The following FDPS variants were observed in gnomAD, a reference collection of about 807,000 sequenced individuals.
The protein encoded by FDPS is farnesyl diphosphate synthase, also known as farnesyl pyrophosphate synthase.
A neutral mutation model predicts 49.5 loss-of-function variants in FDPS; 29 were observed. The observed-to-expected ratio is 0.59, with a 90% CI of 0.44 to 0.80. The LOEUF (loss-of-function observed/expected upper bound fraction) is 0.80. Ranked by LOEUF, FDPS falls within the 30% of genes least tolerant of loss-of-function variation. FDPS has a pLI of 0.00. For synonymous variants in FDPS, 172 were observed against 206.4 expected (o/e 0.83, Z 1.43); for missense variants, 414 against 525.6 (o/e 0.79, Z 2.08).
At chr1:155,310,512 T>G in intron 3 of FDPS, 1 of 295,894 alleles carries the variant, frequency 3.4e-6, no homozygotes, top group Non-Finnish European at 6.4e-6. Context: ...GGTTTCACTG[T>G]GTTGACCAGG....
At chr1:155,310,007 C>G in intron 2 of FDPS, 36 bp from the exon 3 acceptor site, 4 of 1,611,814 alleles carry the variant, frequency 2.5e-6, no homozygotes, top group Non-Finnish European at 3.4e-6. Context: ...AGGGGAGCAG[C>G]TGATCAGGTT....
chr1:155,310,312 G>C, intron 3 of FDPS, 107 bp downstream of exon 3: 1 of 870,194 alleles, frequency 1.1e-6, no homozygotes, highest in Non-Finnish European at 1.7e-6. Flanking sequence ...GTGAGAGAAA[G>C]CTTTTTTTTT....
At chr1:155,311,225 G>C (rs1648768720) in intron 3 of FDPS, among the ~76,000 whole-genome samples, 1 of 152,186 alleles carries the variant, frequency 6.6e-6, no homozygotes, top group Non-Finnish European at 1.5e-5. Flanking sequence ...TGTAGTCCCA[G>C]CTACTCAGGA....
Position 155,312,248 on chromosome 1 carries a change from C to T in FDPS, c.340-7C>T, listed in dbSNP as rs1352380487. On this transcript the variant is annotated splice_region_variant and splice_polypyrimidine_tract_variant and intron_variant, in intron 3 of 10. Transcript: ENST00000368356. Reference sequence around the variant, plus strand: ...TGATACCCTGTACCTCTTTCCTTGCCCTCCAGGTCCTGGAGTACAATGCCA... The same window carrying T: ...TGATACCCTGTACCTCTTTCCTTGCTCTCCAGGTCCTGGAGTACAATGCCA... 1.2e-6 allele frequency: 2 copies of T among 1,613,504 alleles called. No homozygotes were observed. The highest frequency in any genetic ancestry group is 4.5e-5 in the East Asian group (2 of 44,872).
At chr1:155,315,156 C>T (rs1165827485) in intron 4 of FDPS, among the ~76,000 whole-genome samples, 1 of 152,250 alleles carries the variant, frequency 6.6e-6, no homozygotes, top group African/African-American at 2.4e-5. Flanking sequence ...TTCCCCACGG[C>T]CCATGCTGGG....
intron 4 of FDPS, chr1:155,316,790 C>CAAAAAAAAAAAAA (rs558482017): frequency 2.2e-5 from 2 of 90,750 alleles, no homozygotes; most frequent in Non-Finnish European, 2.4e-5. Flanking sequence ...GACTCTATCT[C>CAAAAAAAAAAAAA]AAAAAAAAAA....
In FDPS at chr1:155,320,490, T is replaced by C. The variant is rs1650240159; in HGVS notation, c.1141T>C (p.Leu381=). ...YEELDLPAVF[L]QYEEDSYSHI... ...GGAGCTGGATCTGCCAGCAGTGTTCTTGCAATATGAGGAAGACAGTTACAG... is the reference window on the plus strand; with the variant it reads ...GGAGCTGGATCTGCCAGCAGTGTTCCTGCAATATGAGGAAGACAGTTACAG... The change falls in exon 11 of 11, where the codon TTG becomes CTG. Residue 381 remains leucine (L), a synonymous_variant. Coordinates refer to ENST00000368356, the MANE Select transcript of FDPS (RefSeq NM_002004.4). The C allele has an allele frequency of 6.2e-7, 1 of 1,613,906 alleles. No homozygotes were observed. Among genetic ancestry groups the C allele is most frequent in the African/African-American group, 1.3e-5 (1 of 74,910 alleles).
intron 4 of FDPS, among the ~76,000 whole-genome samples, chr1:155,315,304 G>T (rs1649214761): frequency 6.6e-6 from 1 of 152,220 alleles, no homozygotes; most frequent in African/African-American, 2.4e-5. Flanking sequence ...CAGCACTTTG[G>T]GAGGCTGAGG....
At position 155,318,322 on chromosome 1, in the gene FDPS, G is replaced by C. The variant is rs1301476270; in HGVS notation, c.684+31G>C. The C allele has an allele frequency of 6.2e-7, 1 of 1,605,444 alleles. No individual in the cohort carries two copies. Among genetic ancestry groups the C allele is most frequent in the Admixed American group, 1.7e-5 (1 of 60,004 alleles). The stretch of plus-strand genomic sequence containing the variant: ...TTGCAGACAGGGCCCGATGCCCAGA[G>C]GGTGCCCATGGTAGCCTTGGCCTCT... On this transcript the variant is annotated intron_variant, in intron 6 of 10. Transcript: ENST00000368356. The surrounding 1 kb of genome is among the most constrained non-coding windows in gnomAD (Gnocchi z 4.2).
At chr1:155,310,267 A>G in intron 3 of FDPS, 62 bp downstream of exon 3, 1 of 1,516,872 alleles carries the variant, frequency 6.6e-7, no homozygotes, top group Non-Finnish European at 9.1e-7. Context: ...CCTGTGTGGC[A>G]TTCACCTGTG....
At position 155,318,068 on chromosome 1, in the gene FDPS, G is replaced by A. The variant is rs1011640540; in HGVS notation, c.561+47G>A. ...CAGTGGGTATGGGGACAGGCCACAGGGAGGTGGTTATATATGGCCTGGTTG... is the reference window on the plus strand; with the variant it reads ...CAGTGGGTATGGGGACAGGCCACAGAGAGGTGGTTATATATGGCCTGGTTG... On this transcript the variant is annotated intron_variant, in intron 5 of 10. Coordinates refer to ENST00000368356, the MANE Select transcript of FDPS (RefSeq NM_002004.4). The surrounding 1 kb of genome is among the most constrained non-coding windows in gnomAD (Gnocchi z 4.2). 1.2e-5 allele frequency: 19 copies of A among 1,610,348 alleles called. No individual in the cohort carries two copies. The highest frequency in any genetic ancestry group is 1.5e-5 in the Non-Finnish European group (18 of 1,176,612).
intron 8 of FDPS, 96 bp from the exon 9 acceptor site, chr1:155,319,515 T>G: frequency 8.0e-7 from 1 of 1,244,970 alleles, no homozygotes; most frequent in Non-Finnish European, 1.2e-6. Context: ...GAGGAAAGAT[T>G]TGGGGCTGCA....
Position 155,319,627 on chromosome 1 carries a change from A to C in FDPS, c.863A>C (p.Glu288Ala), listed in dbSNP as rs761058126. Residue 288 changes from glutamate (E) to alanine (A), a missense_variant, in exon 9 of 11, where the codon GAG becomes GCG. By Grantham distance (107) the Glu-to-Ala change is moderately radical (BLOSUM62 -1). Coordinates refer to ENST00000368356, the MANE Select transcript of FDPS (RefSeq NM_002004.4). ...AAMYMAGIDGEKEHANAKKIL... is the reference protein window; with the variant it reads ...AAMYMAGIDGAKEHANAKKIL... ...TCCCTGCAGGCAGGAATTGATGGCG[A>C]GAAGGAGCACGCCAATGCCAAGAAG... is the stretch of plus-strand genomic sequence containing the variant. The C allele has an allele frequency of 6.2e-7, 1 of 1,614,206 alleles. No individual in the cohort carries two copies. The highest frequency in any genetic ancestry group is 1.7e-5 in the Admixed American group (1 of 60,022).
In FDPS at chr1:155,309,818, TG is replaced by T; in HGVS notation, c.34del (p.Val12SerfsTer56). The T allele has an allele frequency of 1.9e-6, 3 of 1,574,232 alleles. No homozygotes were observed. The highest frequency in any genetic ancestry group is 2.6e-6 in the Non-Finnish European group (3 of 1,156,038). ...CCCCTGTCCCGCTGGTTGAGATCTG[TG>T]GGGGTCTTCCTGCTGCCAGCCCCCT... MPLSRWLRSVGVFLLPAPYW... is the reference protein window; with the variant it reads MPLSRWLRSXGVFLLPAPYW... On this transcript the variant is annotated frameshift_variant, in exon 2 of 11. Coordinates refer to ENST00000368356, the MANE Select transcript of FDPS (RefSeq NM_002004.4). LOFTEE classifies it high-confidence loss of function.
At chr1:155,316,380 A>AG (rs35607852) in intron 4 of FDPS, among the ~76,000 whole-genome samples, 50,847 of 152,072 alleles carry the variant, frequency 0.33, 9,420 homozygotes, top group East Asian at 0.72. Context: ...GATTCTCAAG[A>AG]GTTGAGACAG....
At position 155,312,374 on chromosome 1, in the gene FDPS, T is replaced by C; in HGVS notation, c.459T>C (p.Thr153=). ...QDADSLQRAW[T]VGWCVELLQA... is the part of the protein sequence containing the mutation. ...CTGATAGTCTCCAGCGGGCCTGGACTGTGGGCTGGTGTGTGGAACTGGTGA... is the reference window on the plus strand; with the variant it reads ...CTGATAGTCTCCAGCGGGCCTGGACCGTGGGCTGGTGTGTGGAACTGGTGA... Residue 153 remains threonine (T), a synonymous_variant, in exon 4 of 11, where the codon ACT becomes ACC. Transcript: ENST00000368356. The C allele has an allele frequency of 6.2e-7, 1 of 1,613,842 alleles. No individual in the cohort carries two copies. Among genetic ancestry groups the C allele is most frequent in the Non-Finnish European group, 8.5e-7 (1 of 1,179,900 alleles).
chr1:155,312,521 C>CG, intron 4 of FDPS, 126 bp downstream of exon 4: 1 of 1,057,576 alleles, frequency 9.5e-7, no homozygotes, highest in Non-Finnish European at 1.4e-6. Context: ...TAGTGTGCTA[C>CG]GGCCAAATTT....
rs752453518 is a variant in FDPS, at chr1:155,318,777, C to G, written c.773+24C>G. 2 of 1,599,492 alleles carry G rather than the reference C, an allele frequency of 1.3e-6. No individual in the cohort carries two copies. Among genetic ancestry groups the G allele is most frequent in the Admixed American group, 1.7e-5 (1 of 59,938 alleles). On this transcript the variant is annotated intron_variant, in intron 7 of 10. Coordinates refer to ENST00000368356, the MANE Select transcript of FDPS (RefSeq NM_002004.4). The surrounding 1 kb of genome is among the most constrained non-coding windows in gnomAD (Gnocchi z 4.2). Reference sequence around the variant, plus strand: ...AGGTGAGGGGAGGTGAGGGACAGCGCGAACCATGTCTGGACAGCGAGGGAG... The same window carrying G: ...AGGTGAGGGGAGGTGAGGGACAGCGGGAACCATGTCTGGACAGCGAGGGAG...
chr1:155,310,745 G>T (rs891380923), intron 3 of FDPS, among the ~76,000 whole-genome samples: 2 of 152,196 alleles, frequency 1.3e-5, no homozygotes, highest in African/African-American at 4.8e-5. Context: ...TGCTTTGGGG[G>T]TGGAGGCCTT....
Sources: gnomAD v4.1 joint callset for allele counts (sites outside exome capture counted in the v4.1 genomes callset) on GRCh38, gnomAD v4.1.1 for gene constraint, Gnocchi (gnomAD v3.1) non-coding constraint, MANE v1.5 for transcripts, NCBI Gene and HGNC (gene_info 2026-07-23, HGNC 2026-07-21) for gene names.